Variants in PITPNM3 observed in about 807,000 individuals in gnomAD.
PITPNM3 encodes the protein PITPNM family member 3, also known as membrane-associated phosphatidylinositol transfer protein 3.
In PITPNM3, 26 loss-of-function variants were observed where a neutral mutation model predicts 102.0. The ratio of observed to expected loss-of-function variants is 0.25; its 90% CI spans 0.19 to 0.35. The LOEUF (loss-of-function observed/expected upper bound fraction) is 0.35. PITPNM3 is among the 10% of genes least tolerant of loss of function. The pLI, the probability that PITPNM3 is intolerant of heterozygous loss-of-function variation, is 1.00. For synonymous variants in PITPNM3, 578 were observed against 558.6 expected (o/e 1.03, Z -0.49); for missense variants, 1,083 against 1,346.1 (o/e 0.80, Z 3.06).
At chr17:6,495,871 G>A (rs1250003175) in intron 4 of PITPNM3, among the ~76,000 whole-genome samples, 1 of 152,232 alleles carries the variant, frequency 6.6e-6, no homozygotes, top group Non-Finnish European at 1.5e-5. Context: ...GTGGAAGTAA[G>A]TAGACTGTGC....
chr17:6,477,889 A>T, intron 8 of PITPNM3, 86 bp downstream of exon 8: 2 of 1,590,232 alleles, frequency 1.3e-6, no homozygotes, highest in Non-Finnish European at 1.7e-6. Flanking sequence ...CATGGTGCCA[A>T]CGTGAAGAAC....
intron 2 of PITPNM3, among the ~76,000 whole-genome samples, chr17:6,534,600 T>C (rs1365328146): frequency 6.6e-6 from 1 of 152,160 alleles, no homozygotes; most frequent in Middle Eastern, 3.2e-3. Context: ...ATGTGTGATC[T>C]GGTGGTGGTG....
At position 6,501,293 on chromosome 17, in the gene PITPNM3, A is replaced by T. The variant is rs547329796; in HGVS notation, c.274+2234T>A. ...ATATTCATCATGCTTGTTATTTTAT[A>T]ATGTTTTGACATCTCTGGGGCCTCG... On this transcript the variant is annotated intron_variant, in intron 4 of 19. Coordinates refer to ENST00000262483, the MANE Select transcript of PITPNM3 (RefSeq NM_031220.4). Among the ~76,000 whole-genome samples the T allele has an allele frequency of 4.6e-3, 694 of 152,194 alleles. 5 individuals are homozygous for T. The highest frequency in any genetic ancestry group is 8.1e-3 in the Non-Finnish European group (551 of 68,006).
At chr17:6,531,856 A>T (rs1909164763) in intron 2 of PITPNM3, among the ~76,000 whole-genome samples, 2 of 152,176 alleles carry the variant, frequency 1.3e-5, no homozygotes, top group East Asian at 1.9e-4. Context: ...TCATCCCAGC[A>T]CTCTGGAAGG....
chr17:6,462,593 T>C (rs2280113), intron 17 of PITPNM3, among the ~76,000 whole-genome samples: 30,331 of 152,126 alleles, frequency 0.2, 4,618 homozygotes, highest in African/African-American at 0.42. Context: ...GCTCTCACAG[T>C]GCAGTGGGAT....
At chr17:6,516,702 G>T (rs7212909) in intron 3 of PITPNM3, among the ~76,000 whole-genome samples, 1 of 151,734 alleles carries the variant, frequency 6.6e-6, no homozygotes, top group Non-Finnish European at 1.5e-5. Flanking sequence ...CAGAAACGTC[G>T]CTTGAAATTT....
chr17:6,518,736 A>G (rs541573945), intron 3 of PITPNM3, among the ~76,000 whole-genome samples: 1 of 152,234 alleles, frequency 6.6e-6, no homozygotes, highest in Non-Finnish European at 1.5e-5. Context: ...ACTTACTAAG[A>G]ATGAGAGAGA....
rs115367645 is a variant in PITPNM3, at chr17:6,458,931, G to C, written c.2491-1209C>G. Among the ~76,000 whole-genome samples, 589 of 151,898 alleles carry C rather than the reference G, an allele frequency of 3.9e-3. 4 individuals are homozygous for C. The highest frequency in any genetic ancestry group is 0.013 in the African/African-American group (557 of 41,430). ...CCATCTTCTTCCTGTCCTTCCCTGAGCCCTACCCCATCCTGCAGGTGACTG... is the reference window on the plus strand; with the variant it reads ...CCATCTTCTTCCTGTCCTTCCCTGACCCCTACCCCATCCTGCAGGTGACTG... On this transcript the variant is annotated intron_variant, in intron 18 of 19. Coordinates refer to ENST00000262483, the MANE Select transcript of PITPNM3 (RefSeq NM_031220.4). This position sits in a 1 kb window ranked among gnomAD's most constrained non-coding sequence, Gnocchi z 5.1.
At chr17:6,531,331 A>G (rs1909133150) in intron 2 of PITPNM3, among the ~76,000 whole-genome samples, 1 of 152,240 alleles carries the variant, frequency 6.6e-6, no homozygotes, top group Non-Finnish European at 1.5e-5. Context: ...CCAACCTTGC[A>G]TCCTTTCAGG....
intron 2 of PITPNM3, among the ~76,000 whole-genome samples, chr17:6,526,785 T>C (rs1282931943): frequency 6.6e-6 from 1 of 152,218 alleles, no homozygotes; most frequent in African/African-American, 2.4e-5. Flanking sequence ...ACAAGGAAAC[T>C]GAGGCACAGA....
At position 6,538,345 on chromosome 17, in the gene PITPNM3, C is replaced by CCTTTGCCAAGGTGA. The variant is rs112401798; in HGVS notation, c.23-277_23-264dup. Among the ~76,000 whole-genome samples, 1,334 of 152,328 alleles carry CCTTTGCCAAGGTGA rather than the reference C, an allele frequency of 8.8e-3. 18 individuals are homozygous for CCTTTGCCAAGGTGA. The highest frequency in any genetic ancestry group is 0.03 in the African/African-American group (1,245 of 41,560). ...CACTGAGGCTGGTGGTAGTTATGAG[C>CCTTTGCCAAGGTGA]CTTTGCCAAGGTGACTTTGCCAAGC... On this transcript the variant is annotated intron_variant, in intron 1 of 19. Coordinates refer to ENST00000262483, the MANE Select transcript of PITPNM3 (RefSeq NM_031220.4).
intron 4 of PITPNM3, among the ~76,000 whole-genome samples, chr17:6,487,304 T>A (rs1906155754): frequency 6.6e-6 from 1 of 152,102 alleles, no homozygotes; most frequent in African/African-American, 2.4e-5. Context: ...GGGGTGGTGG[T>A]GAGGATAGAT....
Position 6,472,759 on chromosome 17 carries a change from G to A in PITPNM3, c.1327C>T (p.Arg443Trp). ...FFHCADPSAS[R>W]LEPLLEPKFH... is the part of the protein sequence containing the mutation. Reference sequence around the variant, plus strand: ...TTGGGCTCCAGCAGTGGCTCGAGCCGTGAGGCAGAGGGGTCTGCGCAATGG... The same window carrying A: ...TTGGGCTCCAGCAGTGGCTCGAGCCATGAGGCAGAGGGGTCTGCGCAATGG... The change falls in exon 11 of 20, where the codon CGG becomes TGG. Residue 443 changes from arginine to tryptophan, a missense_variant. Arg to Trp is a moderately radical substitution (Grantham distance 101). This residue lies in a region of PITPNM3 where 410 missense variants were observed against 638.4 expected (regional missense o/e 0.64). Transcript: ENST00000262483. This position sits in a 1 kb window ranked among gnomAD's most constrained non-coding sequence, Gnocchi z 4.1. 1.2e-6 allele frequency: 2 copies of A among 1,614,068 alleles called. No homozygotes were observed. Among genetic ancestry groups the A allele is most frequent in the Non-Finnish European group, 1.7e-6 (2 of 1,179,976 alleles).
intron 4 of PITPNM3, among the ~76,000 whole-genome samples, chr17:6,491,094 A>AGGGAGGGGAGGGGAG (rs1204613479): frequency 4.8e-5 from 1 of 21,008 alleles, no homozygotes; most frequent in Non-Finnish European, 8.4e-5. Context: ...GGGGAAGGGA[A>AGGGAGGGGAGGGGAG]GGGAGGGGAG....
chr17:6,497,370 G>C (rs1236142964), intron 4 of PITPNM3, among the ~76,000 whole-genome samples: 1 of 152,190 alleles, frequency 6.6e-6, no homozygotes, highest in African/African-American at 2.4e-5. Flanking sequence ...GATGGGGAGA[G>C]GTGAGCTGAG....
At chr17:6,541,286 A>AGTGTGCGTGTGTGTGTGT (rs1909716802) in intron 1 of PITPNM3, among the ~76,000 whole-genome samples, 1 of 145,594 alleles carries the variant, frequency 6.9e-6, no homozygotes, top group Non-Finnish European at 1.5e-5. Flanking sequence ...ATATGCTAAG[A>AGTGTGCGTGTGTGTGTGT]GTGTGTGTGT....
Position 6,455,034 on chromosome 17 carries a change from C to G in PITPNM3, c.*304G>C. The G allele has an allele frequency of 2.3e-6, 1 of 440,844 alleles. No homozygotes were observed. The allele number at this position is 440,844 out of a possible 1,614,324, so 27.3% of individuals were successfully genotyped here. A position where few individuals can be genotyped will look rare whatever the true frequency, so the allele number is the denominator to read the frequency against. On this transcript the variant is annotated 3_prime_UTR_variant, in exon 20 of 20. Transcript: ENST00000262483. ...GAGGGTGGTCGACTTTGCCCAAACGCTTCAGCCCCGGGCAAGCCTGCCCCC... is the reference window on the plus strand; with the variant it reads ...GAGGGTGGTCGACTTTGCCCAAACGGTTCAGCCCCGGGCAAGCCTGCCCCC...
intron 1 of PITPNM3, among the ~76,000 whole-genome samples, chr17:6,548,106 G>A (rs1054982073): frequency 6.6e-6 from 1 of 152,276 alleles, no homozygotes; most frequent in South Asian, 2.1e-4. Context: ...CATTAGCCTG[G>A]AGCAAACAGT....
At chr17:6,475,657 G>A (rs974940068) in intron 9 of PITPNM3, among the ~76,000 whole-genome samples, 3 of 152,098 alleles carry the variant, frequency 2.0e-5, no homozygotes, top group African/African-American at 2.4e-5. Flanking sequence ...CTAAACACAT[G>A]CCAACTACTT....
Sources: gnomAD v4.1 joint callset for allele counts (sites outside exome capture counted in the v4.1 genomes callset) on GRCh38, gnomAD v4.1.1 for gene constraint, gnomAD v4.1.1 regional missense constraint, Gnocchi (gnomAD v3.1) non-coding constraint, MANE v1.5 for transcripts, NCBI Gene and HGNC (gene_info 2026-07-23, HGNC 2026-07-21) for gene names.